Variants in SCFD2 observed in about 807,000 individuals in gnomAD.
SCFD2 encodes the protein sec1 family domain containing 2.
Under a neutral mutation model 58.9 loss-of-function variants are expected in SCFD2, and 54 were observed. The ratio of observed to expected loss-of-function variants is 0.92; its 90% CI spans 0.74 to 1.15. SCFD2 has a LOEUF of 1.15. Ranked by LOEUF, SCFD2 falls within the 50% of genes most tolerant of loss-of-function variation. The pLI is 0.00. For synonymous variants in SCFD2, 321 were observed against 335.9 expected (o/e 0.96, Z 0.49); for missense variants, 805 against 836.6 (o/e 0.96, Z 0.47).
intron 7 of SCFD2, among the ~76,000 whole-genome samples, chr4:52,897,537 T>C (rs961372757): frequency 1.3e-5 from 2 of 152,214 alleles, no homozygotes; most frequent in African/African-American, 2.4e-5. Context: ...AGCTTTTTGA[T>C]GTGTTGCTGG....
intron 4 of SCFD2, among the ~76,000 whole-genome samples, chr4:53,254,968 G>C (rs1203676259): frequency 6.6e-6 from 1 of 150,444 alleles, no homozygotes; most frequent in African/African-American, 2.4e-5. Flanking sequence ...CGCCTCCTGG[G>C]TTCACGCCAT....
rs771302218 is a variant in SCFD2 at position 52,887,221 on chromosome 4, G to T, written c.1843-1355C>A. ...AAAGAGAACAGGGCCCATCCTCAAG[G>T]TGCTTACAGTACAGTACCGACTTAC... On this transcript the variant is annotated intron_variant, in intron 7 of 8. Transcript: ENST00000401642. Among the ~76,000 whole-genome samples, 2 of 152,126 alleles carry T rather than the reference G, an allele frequency of 1.3e-5. 1 individual carries two copies. Among genetic ancestry groups the T allele is most frequent in the Non-Finnish European group, 2.9e-5 (2 of 68,034 alleles).
intron 4 of SCFD2, among the ~76,000 whole-genome samples, chr4:53,262,643 T>G (rs764948272): frequency 1.3e-5 from 2 of 152,258 alleles, no homozygotes; most frequent in African/African-American, 2.4e-5. Context: ...TAGGTTTTCC[T>G]TTATACATTA....
intron 5 of SCFD2, among the ~76,000 whole-genome samples, chr4:53,122,061 C>G (rs920307423): frequency 6.6e-6 from 1 of 152,164 alleles, no homozygotes; most frequent in Non-Finnish European, 1.5e-5. Flanking sequence ...GACTCACTCA[C>G]TTTGATGCCA....
At chr4:53,012,794 C>T (rs1356739430) in intron 5 of SCFD2, among the ~76,000 whole-genome samples, 1 of 146,824 alleles carries the variant, frequency 6.8e-6, no homozygotes, top group African/African-American at 2.5e-5. Flanking sequence ...TTTTACCTCC[C>T]TCTCCCTCTC....
At position 52,873,959 on chromosome 4, in the gene SCFD2, T is replaced by C. The variant is rs1398789803; in HGVS notation, c.*10A>G. Reference sequence around the variant, plus strand: ...CCAGCTTGAGTAGGTCTTATCTTCTTAGCGGATGCTCAGAAGCCAAGGTCT... The same window carrying C: ...CCAGCTTGAGTAGGTCTTATCTTCTCAGCGGATGCTCAGAAGCCAAGGTCT... On this transcript the variant is annotated 3_prime_UTR_variant, in exon 9 of 9. Transcript: ENST00000401642. 4 of 1,599,958 alleles carry C rather than the reference T, an allele frequency of 2.5e-6. No individual in the cohort carries two copies. Among genetic ancestry groups the C allele is most frequent in the African/African-American group, 2.7e-5 (2 of 74,574 alleles).
intron 5 of SCFD2, among the ~76,000 whole-genome samples, chr4:52,983,475 T>C (rs757547375): frequency 3.9e-5 from 6 of 152,208 alleles, no homozygotes; most frequent in Non-Finnish European, 8.8e-5. Context: ...TTAGTGGGGA[T>C]TTATCTCAAA....
rs907646576 is a variant in SCFD2 at position 53,349,707 on chromosome 4, A to C, written c.1007+2891T>G. On this transcript the variant is annotated intron_variant, in intron 2 of 8. Transcript: ENST00000401642. ...AAGGTTAAATAAAGTGACTATAATC[A>C]AAACATTACTTATAGGACTGAAATA... Among the ~76,000 whole-genome samples, 9 of 152,236 alleles carry C rather than the reference A, an allele frequency of 5.9e-5. No homozygotes were observed. The East Asian group carries it at 1.5e-3, about 26-fold the overall frequency.
intron 5 of SCFD2, among the ~76,000 whole-genome samples, chr4:52,999,594 T>C (rs938870817): frequency 1.3e-5 from 2 of 152,186 alleles, no homozygotes; most frequent in Non-Finnish European, 1.5e-5. Context: ...GGACCTGGTA[T>C]GTGTGGAGGG....
intron 2 of SCFD2, among the ~76,000 whole-genome samples, chr4:53,327,592 G>A (rs1322500979): frequency 6.6e-6 from 1 of 152,128 alleles, no homozygotes; most frequent in Non-Finnish European, 1.5e-5. Flanking sequence ...CGTTTATGTT[G>A]GAGACCAGGA....
At chr4:53,039,814 T>G (rs1309079172) in intron 5 of SCFD2, among the ~76,000 whole-genome samples, 1 of 152,150 alleles carries the variant, frequency 6.6e-6, no homozygotes, top group Admixed American at 6.6e-5. Context: ...CGTAAGACCA[T>G]GTTGTTGTTA....
intron 3 of SCFD2, among the ~76,000 whole-genome samples, chr4:53,310,307 C>G (rs185299100): frequency 3.3e-5 from 5 of 152,256 alleles, no homozygotes; most frequent in African/African-American, 1.2e-4. Context: ...TACTTTGGCT[C>G]TAATATAATA....
chr4:52,920,653 C>A (rs1719711574), intron 6 of SCFD2, 72 bp downstream of exon 6: 2 of 1,155,774 alleles, frequency 1.7e-6, no homozygotes, highest in Non-Finnish European at 2.4e-6. Context: ...AAAAGGGAAC[C>A]TTTTCTTCTA....
chr4:53,253,572 A>G (rs1159547540), intron 4 of SCFD2, among the ~76,000 whole-genome samples: 1 of 152,092 alleles, frequency 6.6e-6, no homozygotes, highest in African/African-American at 2.4e-5. Flanking sequence ...AAAAATGATG[A>G]GTTCATGTCC....
chr4:52,947,257 G>C (rs146812048), intron 5 of SCFD2, among the ~76,000 whole-genome samples: 1 of 152,160 alleles, frequency 6.6e-6, no homozygotes, highest in African/African-American at 2.4e-5. Flanking sequence ...CATTCACGGG[G>C]AAACTGACAG....
chr4:53,307,790 TAGA>T (rs1269213494), intron 3 of SCFD2, among the ~76,000 whole-genome samples: 2 of 152,134 alleles, frequency 1.3e-5, no homozygotes, highest in Admixed American at 1.3e-4. Context: ...TTCCAGGTGT[TAGA>T]AGAACTGCAC....
chr4:53,038,911 G>A (rs1248132530), intron 5 of SCFD2, among the ~76,000 whole-genome samples: 2 of 151,946 alleles, frequency 1.3e-5, no homozygotes, highest in African/African-American at 2.4e-5. Flanking sequence ...GGCTAGTCTT[G>A]AACTTTTGGC....
chr4:53,233,997 T>C (rs561762734), intron 4 of SCFD2, among the ~76,000 whole-genome samples: 1 of 152,160 alleles, frequency 6.6e-6, no homozygotes, highest in African/African-American at 2.4e-5. Context: ...AAAAAAGTTA[T>C]CAATTAAATG....
chr4:53,350,048 A>G (rs1190519459), intron 2 of SCFD2, among the ~76,000 whole-genome samples: 2 of 152,200 alleles, frequency 1.3e-5, no homozygotes, highest in Admixed American at 1.3e-4. Flanking sequence ...TGTGAGAAGT[A>G]CGTAAGTTAA....
Sources: gnomAD v4.1 joint callset for allele counts (sites outside exome capture counted in the v4.1 genomes callset) on GRCh38, gnomAD v4.1.1 for gene constraint, MANE v1.5 for transcripts, NCBI Gene and HGNC (gene_info 2026-07-23, HGNC 2026-07-21) for gene names.